LEP: variants seen among roughly 807,000 people sequenced by gnomAD.
LEP encodes the protein leptin (murine obesity homolog).
LEP carries 6 observed loss-of-function variants against 9.8 expected under a neutral mutation model. The observed-to-expected ratio is 0.61, with a 90% CI of 0.34 to 1.21. The LOEUF is 1.21. LEP is among the 50% of genes most tolerant of loss of function. The probability of loss-of-function intolerance (pLI) is 0.04; values close to 1 mark genes in which losing one functional copy is unlikely to be tolerated. For missense variants in LEP, 134 were observed against 198.1 expected, an observed-to-expected ratio of 0.68 and a Z score of 1.94; for synonymous variants, 112 against 81.7, an observed-to-expected ratio of 1.37 and a Z score of -2.00.
intron 1 of LEP, among the ~76,000 whole-genome samples, chr7:128,242,739 A>G (rs1042362940): frequency 4.6e-5 from 7 of 152,238 alleles, no homozygotes; most frequent in African/African-American, 1.7e-4. Context: ...TCCAAGTGCC[A>G]AGGACAGAGC....
intron 1 of LEP, among the ~76,000 whole-genome samples, chr7:128,250,263 A>G (rs1795258925): frequency 6.6e-6 from 1 of 152,220 alleles, no homozygotes; most frequent in South Asian, 2.1e-4. Flanking sequence ...CAAGTAGCTA[A>G]TAGAGGAAGT....
chr7:128,251,770 C>T (rs1240588151), intron 1 of LEP, among the ~76,000 whole-genome samples: 1 of 152,212 alleles, frequency 6.6e-6, no homozygotes, highest in African/African-American at 2.4e-5. Flanking sequence ...CAGGATACCT[C>T]ATGGTGGTTT....
At chr7:128,246,668 G>T (rs545091327) in intron 1 of LEP, among the ~76,000 whole-genome samples, 2 of 151,100 alleles carry the variant, frequency 1.3e-5, no homozygotes, top group Admixed American at 1.3e-4. Context: ...TTGCTGTGTC[G>T]CCCAGGCTGG....
rs115650748 is a variant in LEP at position 128,249,949 on chromosome 7, T to C, written c.-28-2042T>C. On this transcript the variant is annotated intron_variant, in intron 1 of 2. Transcript: ENST00000308868. ...AGCATCCACTGAAGCATATTATCAG[T>C]GGTGATAGAGGGGGCTTGTAAAACT... Among the ~76,000 whole-genome samples the C allele has an allele frequency of 5.7e-3, 869 of 152,272 alleles. 8 individuals carry two copies. The highest frequency in any genetic ancestry group is 0.02 in the African/African-American group (819 of 41,550).
intron 1 of LEP, among the ~76,000 whole-genome samples, chr7:128,250,819 A>G (rs1185890002): frequency 1.3e-5 from 2 of 152,130 alleles, no homozygotes; most frequent in African/African-American, 4.8e-5. Context: ...ATTTACTTAC[A>G]TTTTATTATT....
chr7:128,253,831 A>G (rs7788818), intron 2 of LEP, among the ~76,000 whole-genome samples: 140,845 of 152,322 alleles, frequency 0.92, 65,233 homozygotes, highest in East Asian at 1. Context: ...TGTAATACAC[A>G]ATATCACGGG....
intron 2 of LEP, among the ~76,000 whole-genome samples, chr7:128,252,923 A>AT (rs1795292499): frequency 6.6e-6 from 1 of 152,086 alleles, no homozygotes; most frequent in Non-Finnish European, 1.5e-5. Context: ...TAAGAAAAAA[A>AT]TCATAGGATT....
At position 128,256,017 on chromosome 7, in the gene LEP, T is replaced by C. The variant is rs1418909498; in HGVS notation, c.*1254T>C. 6.6e-6 allele frequency: 1 copy of C among 152,212 alleles called. No individual in the cohort carries two copies. The highest frequency in any genetic ancestry group is 2.4e-5 in the African/African-American group (1 of 41,454). 9.4% of individuals were successfully genotyped at this position (152,212 alleles called of 1,614,324 possible). A position where few individuals can be genotyped will look rare whatever the true frequency, so the allele number is the denominator to read the frequency against. On this transcript the variant is annotated 3_prime_UTR_variant, in exon 3 of 3. Coordinates refer to ENST00000308868, the MANE Select transcript of LEP (RefSeq NM_000230.3). ...GTGTGACCCTCTGAATGGTCCAGGG[T>C]TGATCACACTCTGGGTTTATTACAT...
chr7:128,245,389 G>A (rs1206911902), intron 1 of LEP, among the ~76,000 whole-genome samples: 2 of 152,168 alleles, frequency 1.3e-5, no homozygotes, highest in African/African-American at 2.4e-5. Flanking sequence ...ACCAGGTTGT[G>A]TTAAAATGAG....
Position 128,254,639 on chromosome 7 carries a change from C to T in LEP, c.380C>T (p.Thr127Ile), listed in dbSNP as rs773031071. 5 of 1,614,016 alleles carry T rather than the reference C, an allele frequency of 3.1e-6. No homozygotes were observed. Among genetic ancestry groups the T allele is most frequent in the African/African-American group, 1.3e-5 (1 of 74,916 alleles). Residue 127 changes from threonine to isoleucine, a missense_variant, in exon 3 of 3, where the codon ACC (threonine) becomes ATC (isoleucine). Coordinates refer to ENST00000308868, the MANE Select transcript of LEP (RefSeq NM_000230.3). ...CHLPWASGLE[T>I]LDSLGGVLEA... ...TTGCCCTGGGCCAGTGGCCTGGAGA[C>T]CTTGGACAGCCTGGGGGGTGTCCTG... is the stretch of plus-strand genomic sequence containing the variant.
intron 1 of LEP, among the ~76,000 whole-genome samples, chr7:128,244,798 T>G (rs1277671320): frequency 6.6e-6 from 1 of 152,122 alleles, no homozygotes; most frequent in Non-Finnish European, 1.5e-5. Context: ...GTTCCATGCA[T>G]ATGAGGCCAA....
intron 1 of LEP, among the ~76,000 whole-genome samples, chr7:128,243,118 G>A (rs536300548): frequency 2.6e-4 from 39 of 152,292 alleles, no homozygotes; most frequent in Middle Eastern, 3.4e-3. Context: ...GAAACAGAGA[G>A]GTTGTTTCTG....
At position 128,253,532 on chromosome 7, in the gene LEP, A is replaced by G. The variant is rs146574563; in HGVS notation, c.145-872A>G. On this transcript the variant is annotated intron_variant, in intron 2 of 2. Transcript: ENST00000308868. ...ATCACACACTATTCACAAGGTTGTT[A>G]TGAGGCCTAAATTAGCTAAAGCAAT... 2.9e-4 allele frequency among the ~76,000 whole-genome samples: 44 copies of G among 152,320 alleles called. No homozygotes were observed. The East Asian group carries it at 7.1e-3, about 25-fold the overall frequency.
chr7:128,254,580 T>G lies in LEP; in HGVS notation c.321T>G (p.Leu107=), dbSNP rs753250158. The change falls in exon 3 of 3, where the codon CTT becomes CTG. Residue 107 remains leucine (L), a synonymous_variant. Transcript: ENST00000308868. The stretch of plus-strand genomic sequence containing the variant: ...ACGACCTGGAGAACCTCCGGGATCT[T>G]CTTCACGTGCTGGCCTTCTCTAAGA... ...ISNDLENLRD[L]LHVLAFSKSC... 6.2e-7 allele frequency: 1 copy of G among 1,614,182 alleles called. No individual in the cohort carries two copies. The highest frequency in any genetic ancestry group is 1.3e-5 in the African/African-American group (1 of 75,048).
intron 2 of LEP, among the ~76,000 whole-genome samples, chr7:128,254,029 G>A (rs771588809): frequency 3.3e-5 from 5 of 152,132 alleles, no homozygotes; most frequent in Non-Finnish European, 7.4e-5. Flanking sequence ...GGGGGTAGAA[G>A]GGACTAGGGA....
chr7:128,250,991 G>C (rs768784204), intron 1 of LEP, among the ~76,000 whole-genome samples: 7 of 152,234 alleles, frequency 4.6e-5, no homozygotes, highest in African/African-American at 1.7e-4. Flanking sequence ...CCAAGACTTT[G>C]AAAGTTTCAA....
Position 128,254,604 on chromosome 7 carries a change from G to A in LEP, c.345G>A (p.Lys115=), listed in dbSNP as rs1264330982. ...RDLLHVLAFS[K]SCHLPWASGL... ...TTCTTCACGTGCTGGCCTTCTCTAAGAGCTGCCACTTGCCCTGGGCCAGTG... is the reference window on the plus strand; with the variant it reads ...TTCTTCACGTGCTGGCCTTCTCTAAAAGCTGCCACTTGCCCTGGGCCAGTG... Residue 115 remains lysine, a synonymous_variant, in exon 3 of 3, where the codon AAG becomes AAA. Transcript: ENST00000308868. 1 of 1,614,216 alleles carries A rather than the reference G, an allele frequency of 6.2e-7. No homozygotes were observed. Among genetic ancestry groups the A allele is most frequent in the African/African-American group, 1.3e-5 (1 of 75,066 alleles).
chr7:128,243,313 G>A (rs1178763084), intron 1 of LEP, among the ~76,000 whole-genome samples: 2 of 152,168 alleles, frequency 1.3e-5, no homozygotes, highest in Non-Finnish European at 2.9e-5. Context: ...TATCATAGGA[G>A]ATTTAGTCTC....
intron 1 of LEP, among the ~76,000 whole-genome samples, chr7:128,249,909 C>A (rs1370951381): frequency 6.6e-6 from 1 of 152,180 alleles, no homozygotes; most frequent in Non-Finnish European, 1.5e-5. Flanking sequence ...TTTCAAGGAA[C>A]CACAATTTAT....
Sources: gnomAD v4.1 joint callset for allele counts (sites outside exome capture counted in the v4.1 genomes callset) on GRCh38, gnomAD v4.1.1 for gene constraint, MANE v1.5 for transcripts, NCBI Gene and HGNC (gene_info 2026-07-23, HGNC 2026-07-21) for gene names.